Variants in TIAM1 observed in about 807,000 individuals in gnomAD.
TIAM1 encodes the protein TIAM Rac1 associated GEF 1.
A neutral mutation model predicts 163.5 loss-of-function variants in TIAM1; 65 were observed. The ratio of observed to expected loss-of-function variants is 0.40; its 90% CI spans 0.33 to 0.49. The LOEUF (loss-of-function observed/expected upper bound fraction) is 0.49. Among genes scored for constraint, TIAM1 ranks in the 20% least tolerant of loss-of-function variants. The pLI, the probability that TIAM1 is intolerant of heterozygous loss-of-function variation, is 0.77. For synonymous variants in TIAM1, 833 were observed against 810.1 expected (o/e 1.03, Z -0.48); for missense variants, 1,789 against 2,044.7 (o/e 0.87, Z 2.41).
chr21:31,524,824 C>T lies in TIAM1; in HGVS notation c.-422+34103G>A, dbSNP rs530257164. 3.9e-5 allele frequency among the ~76,000 whole-genome samples: 6 copies of T among 152,296 alleles called. No homozygotes were observed. The South Asian group carries it at 1.2e-3, about 32-fold the overall frequency. On this transcript the variant is annotated intron_variant, in intron 1 of 28. Transcript: ENST00000286827. ...AAACTTCTATCATGTGATTCATCTGCTCTTCCCAACATCTCAGGGAGGCAG... is the reference window on the plus strand; with the variant it reads ...AAACTTCTATCATGTGATTCATCTGTTCTTCCCAACATCTCAGGGAGGCAG...
chr21:31,154,516 G>A (rs1297264463), intron 16 of TIAM1, 90 bp from the exon 17 acceptor site: 2 of 1,365,464 alleles, frequency 1.5e-6, no homozygotes, highest in Non-Finnish European at 2.0e-6. Context: ...TGTTCTCCCT[G>A]GTTAGTCAAC....
intron 1 of TIAM1, among the ~76,000 whole-genome samples, chr21:31,502,778 TCCAGG>T (rs2046889634): frequency 6.6e-6 from 1 of 152,222 alleles, no homozygotes; most frequent in Admixed American, 6.5e-5. Context: ...GGATTGCTAA[TCCAGG>T]TGGCTGTACT....
chr21:31,428,523 C>T (rs903470385), intron 2 of TIAM1, among the ~76,000 whole-genome samples: 3 of 152,078 alleles, frequency 2.0e-5, no homozygotes, highest in South Asian at 2.1e-4. Context: ...AATATATATA[C>T]ACAAAATACA....
chr21:31,451,023 T>C (rs1027401652), intron 2 of TIAM1, among the ~76,000 whole-genome samples: 16 of 150,522 alleles, frequency 1.1e-4, no homozygotes, highest in African/African-American at 3.9e-4. Flanking sequence ...CTAATCCATC[T>C]AGTGGTCAAT....
At chr21:31,393,431 T>C (rs958727511) in intron 2 of TIAM1, among the ~76,000 whole-genome samples, 1 of 152,194 alleles carries the variant, frequency 6.6e-6, no homozygotes, top group South Asian at 2.1e-4. Context: ...AACACCACCC[T>C]GTCCTCCCCA....
At position 31,266,339 on chromosome 21, in the gene TIAM1, G is replaced by A. The variant is rs529851930; in HGVS notation, c.634C>T (p.Arg212Trp). 22 of 1,614,138 alleles carry A rather than the reference G, an allele frequency of 1.4e-5. No individual in the cohort carries two copies. The South Asian group carries it at 1.9e-4, about 14-fold the overall frequency. The change falls in exon 4 of 28, where the codon CGG becomes TGG. Residue 212 changes from arginine to tryptophan, a missense_variant. This residue lies in a region of TIAM1 where 555 missense variants were observed against 564.9 expected (regional missense o/e 0.98). Transcript: ENST00000541036. Reference protein sequence around the residue: ...SAEEKDCEEARGMETRASPRQ... With the variant: ...SAEEKDCEEAWGMETRASPRQ... ...GGACTCGCCCGCGTTTCCATCCCCC[G>A]AGCCTCCTCGCAGTCCTTCTCTTCG...
intron 1 of TIAM1, among the ~76,000 whole-genome samples, chr21:31,547,166 TAAG>T (rs1044276377): frequency 6.6e-6 from 1 of 152,210 alleles, no homozygotes; most frequent in African/African-American, 2.4e-5. Flanking sequence ...CCCACTCTAA[TAAG>T]CTACATTAAC....
chr21:31,131,259 A>G (rs969530596), intron 23 of TIAM1, among the ~76,000 whole-genome samples: 2 of 152,268 alleles, frequency 1.3e-5, no homozygotes, highest in Middle Eastern at 6.3e-3. Flanking sequence ...GCTGATACAT[A>G]TTCAACAAAA....
intron 15 of TIAM1, among the ~76,000 whole-genome samples, chr21:31,178,097 CT>C (rs1446448888): frequency 2.0e-5 from 3 of 152,210 alleles, no homozygotes; most frequent in Non-Finnish European, 4.4e-5. Flanking sequence ...GCTGATACTG[CT>C]TTATCTCTGC....
chr21:31,352,807 G>A (rs188074079), intron 2 of TIAM1, among the ~76,000 whole-genome samples: 34 of 151,594 alleles, frequency 2.2e-4, no homozygotes, highest in African/African-American at 8.2e-4. Context: ...CCTGGGAGGC[G>A]AAGGTTGCAG....
At chr21:31,335,986 T>C (rs2257062) in intron 2 of TIAM1, among the ~76,000 whole-genome samples, 16,663 of 152,196 alleles carry the variant, frequency 0.11, 1,285 homozygotes, top group East Asian at 0.44. Context: ...TCATGTATTC[T>C]GTTAGAGATC....
chr21:31,430,245 T>C (rs774642834), intron 2 of TIAM1, among the ~76,000 whole-genome samples: 3,724 of 127,942 alleles, frequency 0.029, 233 homozygotes, highest in African/African-American at 0.11. Context: ...TATATATATA[T>C]ATACACACAC....
intron 2 of TIAM1, among the ~76,000 whole-genome samples, chr21:31,419,624 T>C (rs2043494636): frequency 1.3e-5 from 2 of 152,220 alleles, no homozygotes; most frequent in African/African-American, 2.4e-5. Context: ...TAAATCTGTG[T>C]TTAAAATTTT....
chr21:31,250,162 A>G (rs918684052), intron 5 of TIAM1, among the ~76,000 whole-genome samples: 2 of 147,796 alleles, frequency 1.4e-5, no homozygotes, highest in African/African-American at 2.7e-5. Flanking sequence ...AAAAAAAAAA[A>G]AAAAAAAAAG....
intron 2 of TIAM1, among the ~76,000 whole-genome samples, chr21:31,362,152 C>A (rs1179257283): frequency 6.6e-6 from 1 of 151,668 alleles, no homozygotes; most frequent in Non-Finnish European, 1.5e-5. Flanking sequence ...GGAGCTGTCA[C>A]CCTATCCCTT....
chr21:31,119,997 C>T lies in TIAM1; in HGVS notation c.*371G>A, dbSNP rs1036262242. ...GGAGACTGATTTCAGATAGAAGGAT[C>T]GTGTGTGTGCTACTATCCCTTAAAT... On this transcript the variant is annotated 3_prime_UTR_variant, in exon 28 of 28. Coordinates refer to ENST00000541036, the MANE Select transcript of TIAM1 (RefSeq NM_001353694.2). The T allele has an allele frequency of 1.2e-5, 2 of 167,740 alleles. No homozygotes were observed. Among genetic ancestry groups the T allele is most frequent in the African/African-American group, 2.4e-5 (1 of 41,992 alleles). The allele number at this position is 167,740 out of a possible 1,614,324, so 10.4% of individuals were successfully genotyped here. A position where few individuals can be genotyped will look rare whatever the true frequency, so the allele number is the denominator to read the frequency against.
chr21:31,483,707 A>T (rs912586758), intron 1 of TIAM1, among the ~76,000 whole-genome samples: 2 of 152,136 alleles, frequency 1.3e-5, no homozygotes, highest in Non-Finnish European at 2.9e-5. Context: ...GCACTGCTTC[A>T]TGACAGAGTC....
At chr21:31,230,392 C>A (rs1267348646) in intron 6 of TIAM1, among the ~76,000 whole-genome samples, 2 of 151,508 alleles carry the variant, frequency 1.3e-5, no homozygotes, top group Admixed American at 6.6e-5. Flanking sequence ...CCAATCTCCA[C>A]CAACCCTGTT....
At chr21:31,412,784 T>TAAAAAAA (rs77221722) in intron 2 of TIAM1, among the ~76,000 whole-genome samples, 1 of 103,538 alleles carries the variant, frequency 9.7e-6, no homozygotes, top group African/African-American at 3.8e-5. Context: ...TGTCTCAGGT[T>TAAAAAAA]AAAAAAAAAA....
Sources: allele counts gnomAD v4.1 joint callset (sites outside exome capture counted in the v4.1 genomes callset), GRCh38; gene constraint gnomAD v4.1.1; regional missense constraint gnomAD v4.1.1; transcripts MANE v1.5; gene names NCBI Gene and HGNC (gene_info 2026-07-23, HGNC 2026-07-21).